Variants in UNC5D observed in about 807,000 individuals in gnomAD.
UNC5D encodes netrin receptor UNC5D.
A neutral mutation model predicts 105.4 loss-of-function variants in UNC5D; 39 were observed. The ratio of observed to expected loss-of-function variants is 0.37; its 90% CI spans 0.29 to 0.48. The LOEUF (loss-of-function observed/expected upper bound fraction) is 0.48, where lower values mean the gene tolerates loss of function less well. Among genes scored for constraint, UNC5D ranks in the 20% least tolerant of loss-of-function variants. The pLI, the probability that UNC5D is intolerant of heterozygous loss-of-function variation, is 0.98. For missense variants in UNC5D, 991 were observed against 1,202.4 expected (o/e 0.82, Z 2.60); for synonymous variants, 452 against 450.4 (o/e 1.00, Z -0.04).
At chr8:35,756,188 G>A (rs1045790345) in intron 13 of UNC5D, among the ~76,000 whole-genome samples, 1 of 152,136 alleles carries the variant, frequency 6.6e-6, no homozygotes, top group African/African-American at 2.4e-5. Flanking sequence ...TAGAATAACT[G>A]TAATTGCTTA....
chr8:35,791,670 G>A lies in UNC5D; in HGVS notation c.*1107G>A, dbSNP rs1245636135. The A allele has an allele frequency of 6.6e-6, 1 of 152,100 alleles. No homozygotes were observed. The highest frequency in any genetic ancestry group is 1.9e-4 in the East Asian group (1 of 5,194). 9.4% of individuals were successfully genotyped at this position (152,100 alleles called of 1,614,324 possible). ...CTTGGGAAATTAGCAGATAGTCTTT[G>A]CTCTAAATGATATCTGAGTAAATAG... is the stretch of plus-strand genomic sequence containing the variant. On this transcript the variant is annotated 3_prime_UTR_variant, in exon 17 of 17. Transcript: ENST00000404895.
chr8:35,329,900 A>G (rs1408828311), intron 1 of UNC5D, among the ~76,000 whole-genome samples: 1 of 152,154 alleles, frequency 6.6e-6, no homozygotes, highest in Non-Finnish European at 1.5e-5. Context: ...TTCAACTTGT[A>G]ATAATAATAA....
chr8:35,534,837 G>C (rs1309283921), intron 1 of UNC5D, among the ~76,000 whole-genome samples: 3 of 151,952 alleles, frequency 2.0e-5, no homozygotes, highest in Non-Finnish European at 4.4e-5. Context: ...CATATATATA[G>C]TGTAATGATA....
chr8:35,271,771 T>TGTATACATGTA (rs1563268638), intron 1 of UNC5D, among the ~76,000 whole-genome samples: 2 of 135,280 alleles, frequency 1.5e-5, no homozygotes, highest in African/African-American at 2.7e-5. Context: ...ATACATATAT[T>TGTATACATGTA]TACATAGGCA....
chr8:35,300,443 T>A (rs12676634), intron 1 of UNC5D, among the ~76,000 whole-genome samples: 66,304 of 81,942 alleles, frequency 0.81, 26,016 homozygotes, highest in East Asian at 0.97. Context: ...AGAGACTCCC[T>A]CTCAAAAAAA....
chr8:35,383,552 C>T (rs1803172060), intron 1 of UNC5D, among the ~76,000 whole-genome samples: 1 of 152,150 alleles, frequency 6.6e-6, no homozygotes, highest in African/African-American at 2.4e-5. Context: ...AATAAATACA[C>T]AGATAAAGAG....
intron 1 of UNC5D, among the ~76,000 whole-genome samples, chr8:35,242,962 A>G (rs1802889888): frequency 6.6e-6 from 1 of 152,162 alleles, no homozygotes; most frequent in East Asian, 1.9e-4. Flanking sequence ...GGGAAGTCAA[A>G]TGATCATGGG....
At chr8:35,379,608 T>A (rs1029661835) in intron 1 of UNC5D, among the ~76,000 whole-genome samples, 3 of 152,044 alleles carry the variant, frequency 2.0e-5, no homozygotes, top group African/African-American at 4.8e-5. Context: ...ATTCCACCGG[T>A]GCATCTCTGT....
chr8:35,428,873 G>A (rs1340448321), intron 1 of UNC5D, among the ~76,000 whole-genome samples: 1 of 151,926 alleles, frequency 6.6e-6, no homozygotes, highest in Non-Finnish European at 1.5e-5. Flanking sequence ...ATTTGTGAAA[G>A]GCTTTATTGA....
At chr8:35,522,751 A>G (rs926449165) in intron 1 of UNC5D, among the ~76,000 whole-genome samples, 3 of 152,200 alleles carry the variant, frequency 2.0e-5, no homozygotes, top group Non-Finnish European at 2.9e-5. Context: ...GATCTCTACT[A>G]TCTCTTCTAA....
In UNC5D at chr8:35,683,136, CCT is replaced by C. The variant is rs1255879183; in HGVS notation, c.571-407_571-406del. ...AAAACCTTGTCTAATAATATAATAT[CCT>C]CTCACACAAAATACAAGTTCTACAT... On this transcript the variant is annotated intron_variant, in intron 4 of 16. Transcript: ENST00000404895. 2.0e-5 allele frequency among the ~76,000 whole-genome samples: 3 copies of C among 152,238 alleles called. No homozygotes were observed. In the East Asian group the frequency reaches 5.8e-4, roughly 29 times the overall value.
chr8:35,759,854 G>GA (rs1288424178), intron 14 of UNC5D, among the ~76,000 whole-genome samples: 4 of 152,096 alleles, frequency 2.6e-5, no homozygotes, highest in Admixed American at 2.0e-4. Flanking sequence ...TGAATAAACT[G>GA]AATGTCAGTG....
At chr8:35,381,961 A>C (rs1289125969) in intron 1 of UNC5D, among the ~76,000 whole-genome samples, 1 of 152,266 alleles carries the variant, frequency 6.6e-6, no homozygotes, top group Non-Finnish European at 1.5e-5. Flanking sequence ...GATGTAGTAC[A>C]GAAACACTGC....
At chr8:35,782,465 T>C (rs1416854818) in intron 16 of UNC5D, among the ~76,000 whole-genome samples, 5 of 152,152 alleles carry the variant, frequency 3.3e-5, no homozygotes, top group Non-Finnish European at 5.9e-5. Context: ...GCAGCTTAAC[T>C]TTGTTTTTAC....
At chr8:35,264,999 C>T (rs978993974) in intron 1 of UNC5D, among the ~76,000 whole-genome samples, 11 of 152,234 alleles carry the variant, frequency 7.2e-5, no homozygotes, top group African/African-American at 1.7e-4. Context: ...GTCATAATAA[C>T]GCAAACCGCA....
intron 4 of UNC5D, among the ~76,000 whole-genome samples, chr8:35,683,309 A>G (rs1374092453): frequency 6.6e-6 from 1 of 152,166 alleles, no homozygotes; most frequent in Admixed American, 6.5e-5. Flanking sequence ...GTCAAAGTCA[A>G]TGTAGGATAT....
chr8:35,418,591 G>A (rs1313760259), intron 1 of UNC5D, among the ~76,000 whole-genome samples: 2 of 152,090 alleles, frequency 1.3e-5, no homozygotes, highest in African/African-American at 2.4e-5. Context: ...TGTCAGAATG[G>A]TATTCAAGAT....
At chr8:35,303,291 A>C (rs1043099287) in intron 1 of UNC5D, among the ~76,000 whole-genome samples, 1 of 152,158 alleles carries the variant, frequency 6.6e-6, no homozygotes, top group Non-Finnish European at 1.5e-5. Flanking sequence ...AACATGCCTA[A>C]AAGTTTTTCC....
chr8:35,774,189 G>A (rs1802133488), intron 15 of UNC5D, 110 bp from the exon 16 acceptor site: 2 of 1,216,876 alleles, frequency 1.6e-6, no homozygotes, highest in Middle Eastern at 4.1e-4. Context: ...CATCACAACA[G>A]GCAAGCATTT....
Sources: allele counts gnomAD v4.1 joint callset (sites outside exome capture counted in the v4.1 genomes callset), GRCh38; gene constraint gnomAD v4.1.1; transcripts MANE v1.5; gene names NCBI Gene and HGNC (gene_info 2026-07-23, HGNC 2026-07-21).